Variants in PPP1R42 observed in about 807,000 individuals in gnomAD.
PPP1R42 encodes the protein protein phosphatase 1 regulatory subunit 42.
Under a neutral mutation model 31.0 loss-of-function variants are expected in PPP1R42, and 34 were observed. That is an observed-to-expected ratio of 1.10 (90% CI 0.83 to 1.46). The LOEUF is 1.46. PPP1R42 is among the 40% of genes most tolerant of loss of function. PPP1R42 has a pLI of 0.00. For missense variants in PPP1R42, 268 were observed against 303.0 expected (o/e 0.88, Z 0.86); for synonymous variants, 103 against 109.8 (o/e 0.94, Z 0.39).
intron 5 of PPP1R42, among the ~76,000 whole-genome samples, chr8:66,990,415 T>C (rs879413749): frequency 2.0e-5 from 3 of 152,220 alleles, no homozygotes; most frequent in Non-Finnish European, 2.9e-5. Context: ...TGTGCTGAAA[T>C]ACGATTACCC....
At chr8:67,007,445 C>T (rs1815720311) in intron 5 of PPP1R42, among the ~76,000 whole-genome samples, 1 of 151,762 alleles carries the variant, frequency 6.6e-6, no homozygotes, top group Non-Finnish European at 1.5e-5. Flanking sequence ...TTCCTGCAAC[C>T]TCTGGCTCTG....
intron 6 of PPP1R42, among the ~76,000 whole-genome samples, chr8:66,986,502 C>A (rs1385210020): frequency 6.6e-6 from 1 of 152,202 alleles, no homozygotes; most frequent in Non-Finnish European, 1.5e-5. Flanking sequence ...GCTGCCACGC[C>A]GCTGTCTCCC....
chr8:66,971,679 G>A (rs1375628373), intron 7 of PPP1R42, among the ~76,000 whole-genome samples: 1 of 152,118 alleles, frequency 6.6e-6, no homozygotes, highest in Admixed American at 6.6e-5. Context: ...TTCTATAGAA[G>A]TGCTATAAAA....
chr8:67,016,417 T>C (rs1158772972), intron 2 of PPP1R42, among the ~76,000 whole-genome samples: 2 of 152,138 alleles, frequency 1.3e-5, no homozygotes, highest in African/African-American at 2.4e-5. Flanking sequence ...CCAACACAAA[T>C]GGCCTAAGAG....
In PPP1R42 at chr8:67,025,679, C is replaced by T. The variant is rs531855754; in HGVS notation, c.-85+2812G>A. ...TTCATAAGAAATGGAGACCCAAAGA[C>T]GCAGAGTTGTATACTTGCATACTAA... is the stretch of plus-strand genomic sequence containing the variant. On this transcript the variant is annotated intron_variant, in intron 1 of 7. Coordinates refer to ENST00000685739, the MANE Select transcript of PPP1R42 (RefSeq NM_001364910.1). Among the ~76,000 whole-genome samples the T allele has an allele frequency of 7.9e-5, 12 of 151,856 alleles. No homozygotes were observed. The East Asian group carries it at 2.1e-3, about 27-fold the overall frequency.
chr8:67,001,347 A>G (rs573372833), intron 5 of PPP1R42, among the ~76,000 whole-genome samples: 2 of 149,600 alleles, frequency 1.3e-5, no homozygotes, highest in African/African-American at 4.9e-5. Flanking sequence ...ATGCCCGGTT[A>G]AGATTGGATT....
intron 5 of PPP1R42, among the ~76,000 whole-genome samples, chr8:66,991,691 G>T (rs1367814272): frequency 6.6e-6 from 1 of 152,078 alleles, no homozygotes; most frequent in Non-Finnish European, 1.5e-5. Context: ...TAGTTCTTTT[G>T]TTCCCAGCCT....
chr8:67,017,490 T>A (rs1213631533), intron 2 of PPP1R42, 129 bp downstream of exon 2: 4 of 464,678 alleles, frequency 8.6e-6, no homozygotes, highest in Non-Finnish European at 1.4e-5. Flanking sequence ...GGAGAGAGAC[T>A]CTATCTCAAA....
At chr8:66,984,063 G>A in intron 6 of PPP1R42, 9 of 1,433,570 alleles carry the variant, frequency 6.3e-6, no homozygotes, top group Non-Finnish European at 8.8e-6. Flanking sequence ...GGAGTGGGTT[G>A]GGAAACAGAA....
intron 5 of PPP1R42, among the ~76,000 whole-genome samples, chr8:67,003,110 G>C (rs1185971594): frequency 6.9e-6 from 1 of 143,962 alleles, no homozygotes; most frequent in Non-Finnish European, 1.5e-5. Context: ...AGGTTGCAGT[G>C]AGCTGAGATC....
intron 7 of PPP1R42, 104 bp downstream of exon 7, chr8:66,981,945 C>CA: frequency 5.0e-6 from 6 of 1,196,472 alleles, no homozygotes; most frequent in Non-Finnish European, 6.3e-6. Flanking sequence ...ACAACAACAA[C>CA]AAAAAACTAA....
intron 7 of PPP1R42, 140 bp from the exon 8 acceptor site, chr8:66,964,474 C>T (rs370243511): frequency 2.4e-5 from 7 of 295,890 alleles, no homozygotes; most frequent in South Asian, 2.2e-4. Flanking sequence ...TGAATCTTGT[C>T]GGGCTTTAAA....
intron 7 of PPP1R42, among the ~76,000 whole-genome samples, chr8:66,980,489 A>C: frequency 6.6e-6 from 1 of 152,024 alleles, no homozygotes; most frequent in South Asian, 2.1e-4. Flanking sequence ...TCAGCCTCCC[A>C]AAGTACTAGA....
chr8:66,996,647 C>T (rs557032164), intron 5 of PPP1R42, among the ~76,000 whole-genome samples: 40 of 152,256 alleles, frequency 2.6e-4, no homozygotes, highest in African/African-American at 9.6e-4. Context: ...AGGTGGAATA[C>T]TCAATTTTTA....
At chr8:66,967,691 A>G (rs1814424009) in intron 7 of PPP1R42, among the ~76,000 whole-genome samples, 1 of 152,210 alleles carries the variant, frequency 6.6e-6, no homozygotes. Flanking sequence ...ATAGCTAAAT[A>G]ATATACAGTG....
At chr8:67,019,527 C>T (rs1412902385) in intron 1 of PPP1R42, among the ~76,000 whole-genome samples, 6 of 151,796 alleles carry the variant, frequency 4.0e-5, no homozygotes, top group Admixed American at 6.6e-5. Context: ...CGTGAGCCAT[C>T]GCGCCCGGCC....
chr8:66,985,806 G>T, intron 6 of PPP1R42: 1 of 1,228,352 alleles, frequency 8.1e-7, no homozygotes, highest in Non-Finnish European at 1.2e-6. Context: ...TCTGTTTGAT[G>T]TGGAGCTTAG....
Position 66,982,164 on chromosome 8 carries a change from T to C in PPP1R42, c.687A>G (p.Lys229=). ...ATTGTCTTTCTATATTTTTAATTTC[T>C]TTTCCATCAAGAAATTCTGGAGAAA... ...VSKSLEFLDG[K]EIKNIERQFL... The change falls in exon 7 of 8, where the codon AAA becomes AAG. Residue 229 remains lysine (K), a synonymous_variant. Transcript: ENST00000685739. 1 of 1,436,364 alleles carries C rather than the reference T, an allele frequency of 7.0e-7. No individual in the cohort carries two copies. Among genetic ancestry groups the C allele is most frequent in the Non-Finnish European group, 9.1e-7 (1 of 1,100,628 alleles). 89.0% of individuals were successfully genotyped at this position (1,436,364 alleles called of 1,614,324 possible).
At chr8:67,016,120 C>T (rs1266501110) in intron 2 of PPP1R42, among the ~76,000 whole-genome samples, 1 of 151,882 alleles carries the variant, frequency 6.6e-6, no homozygotes, top group Non-Finnish European at 1.5e-5. Context: ...CAAAGGAATT[C>T]GTGGGAAGAA....
Sources: allele counts gnomAD v4.1 joint callset (sites outside exome capture counted in the v4.1 genomes callset), GRCh38; gene constraint gnomAD v4.1.1; transcripts MANE v1.5; gene names NCBI Gene and HGNC (gene_info 2026-07-23, HGNC 2026-07-21).